Variants in MARCHF8 observed in about 807,000 individuals in gnomAD.
MARCHF8 encodes membrane associated ring-CH-type finger 8, also known as E3 ubiquitin-protein ligase MARCHF8.
A neutral mutation model predicts 51.6 loss-of-function variants in MARCHF8; 40 were observed. The observed-to-expected ratio is 0.77, with a 90% CI of 0.60 to 1.01. MARCHF8 has a LOEUF of 1.01. MARCHF8 is among the 50% of genes least tolerant of loss of function. The pLI is 0.00. For missense variants in MARCHF8, 685 were observed against 708.6 expected (o/e 0.97, Z 0.38); for synonymous variants, 263 against 280.3 (o/e 0.94, Z 0.62).
chr10:45,544,654 G>A (rs1452324197), intron 1 of MARCHF8, among the ~76,000 whole-genome samples: 2 of 152,196 alleles, frequency 1.3e-5, no homozygotes, highest in Non-Finnish European at 2.9e-5. Context: ...TTTATAAAGT[G>A]TCTTGAGAAG....
At chr10:45,523,711 C>A (rs1171758088) in intron 2 of MARCHF8, among the ~76,000 whole-genome samples, 2 of 152,144 alleles carry the variant, frequency 1.3e-5, no homozygotes, top group Non-Finnish European at 2.9e-5. Flanking sequence ...GATACCTAGA[C>A]AAACGTATTC....
At chr10:45,585,376 T>A (rs1260590560) in intron 1 of MARCHF8, among the ~76,000 whole-genome samples, 1 of 152,152 alleles carries the variant, frequency 6.6e-6, no homozygotes, top group Non-Finnish European at 1.5e-5. Flanking sequence ...GGAATATTCA[T>A]AATGTAACAC....
In MARCHF8 at chr10:45,463,531, C is replaced by G. The variant is rs1286916562; in HGVS notation, c.708G>C (p.Gly236=). ...STASEVEAGK[G]GRPGLLLEEK... ...CTTCCAGCAGCAGGCCGGGCCTGCCCCCCTTGCCAGCTTCCACCTCTGAGG... is the reference window on the plus strand; with the variant it reads ...CTTCCAGCAGCAGGCCGGGCCTGCCGCCCTTGCCAGCTTCCACCTCTGAGG... The change falls in exon 5 of 8, where the codon GGG becomes GGC. Residue 236 remains glycine, a synonymous_variant. Transcript: ENST00000453424. 8.4e-6 allele frequency: 13 copies of G among 1,550,536 alleles called. No individual in the cohort carries two copies. Among genetic ancestry groups the G allele is most frequent in the Non-Finnish European group, 1.1e-5 (13 of 1,147,022 alleles).
intron 3 of MARCHF8, among the ~76,000 whole-genome samples, chr10:45,473,013 G>A (rs937458478): frequency 1.3e-5 from 2 of 152,168 alleles, no homozygotes; most frequent in African/African-American, 4.8e-5. Context: ...TAACCTGAGC[G>A]TGTCACTGGT....
At chr10:45,471,191 C>T (rs973837554) in intron 3 of MARCHF8, among the ~76,000 whole-genome samples, 1 of 152,160 alleles carries the variant, frequency 6.6e-6, no homozygotes. Context: ...CCAAGTAGCA[C>T]TAACATGGAA....
At chr10:45,505,330 G>A (rs1046098077) in intron 2 of MARCHF8, among the ~76,000 whole-genome samples, 3 of 152,168 alleles carry the variant, frequency 2.0e-5, no homozygotes, top group Admixed American at 6.5e-5. Flanking sequence ...CAATCCCTGT[G>A]GCAAGAGACT....
intron 2 of MARCHF8, among the ~76,000 whole-genome samples, chr10:45,492,356 G>A (rs1420938713): frequency 6.6e-6 from 1 of 151,448 alleles, no homozygotes; most frequent in Non-Finnish European, 1.5e-5. Flanking sequence ...GGAGTGCACT[G>A]GTGCAATCTC....
At chr10:45,572,104 C>T (rs1010681642) in intron 1 of MARCHF8, among the ~76,000 whole-genome samples, 1 of 148,178 alleles carries the variant, frequency 6.7e-6, no homozygotes, top group African/African-American at 2.5e-5. Flanking sequence ...GGGCAAGCAC[C>T]CCTTACCCCT....
At chr10:45,540,291 C>T (rs1402876018), upstream of MARCHF8, among the ~76,000 whole-genome samples, 2 of 152,210 alleles carry the variant, frequency 1.3e-5, no homozygotes, top group Non-Finnish European at 2.9e-5. Context: ...CACTACCTGA[C>T]TTCAAAGTAT....
intron 1 of MARCHF8, among the ~76,000 whole-genome samples, chr10:45,578,093 C>T (rs886332540): frequency 6.6e-6 from 1 of 152,102 alleles, no homozygotes; most frequent in Non-Finnish European, 1.5e-5. Context: ...CAAACATATC[C>T]TAGCTGTGGC....
At chr10:45,554,982 A>G (rs969978908) in intron 1 of MARCHF8, among the ~76,000 whole-genome samples, 2 of 152,068 alleles carry the variant, frequency 1.3e-5, no homozygotes, top group African/African-American at 4.8e-5. Context: ...TTGAACCCGG[A>G]GGCAGAGGCT....
intron 1 of MARCHF8, among the ~76,000 whole-genome samples, chr10:45,545,452 C>T (rs1455909671): frequency 4.6e-5 from 7 of 152,194 alleles, no homozygotes; most frequent in Non-Finnish European, 1.0e-4. Flanking sequence ...GTTTGTCAAC[C>T]TGGTACAATT....
upstream of MARCHF8, among the ~76,000 whole-genome samples, chr10:45,539,555 A>C (rs1455359081): frequency 6.6e-6 from 1 of 152,218 alleles, no homozygotes; most frequent in South Asian, 2.1e-4. Flanking sequence ...AAGATCAACA[A>C]AATTGATAGA....
intron 1 of MARCHF8, among the ~76,000 whole-genome samples, chr10:45,591,941 C>G (rs2044685781): frequency 6.6e-6 from 1 of 152,184 alleles, no homozygotes; most frequent in Non-Finnish European, 1.5e-5. Flanking sequence ...ATATATCAAT[C>G]TGAAGGGCAC....
At chr10:45,525,734 T>C (rs1035393984) in intron 2 of MARCHF8, among the ~76,000 whole-genome samples, 3 of 152,240 alleles carry the variant, frequency 2.0e-5, no homozygotes, top group Non-Finnish European at 2.9e-5. Context: ...TGTGATGAAC[T>C]GGTACATTGT....
chr10:45,476,805 C>CA (rs147064348), intron 3 of MARCHF8, among the ~76,000 whole-genome samples: 5 of 151,496 alleles, frequency 3.3e-5, no homozygotes, highest in East Asian at 1.9e-4. Context: ...TCCAGTAAGA[C>CA]AAAAAAATTT....
At chr10:45,557,090 C>A (rs1190263680) in intron 1 of MARCHF8, among the ~76,000 whole-genome samples, 4 of 147,926 alleles carry the variant, frequency 2.7e-5, no homozygotes, top group Admixed American at 2.0e-4. Context: ...GAAACTATAC[C>A]CATTGAACAA....
intron 1 of MARCHF8, among the ~76,000 whole-genome samples, chr10:45,573,602 C>A (rs557373607): frequency 6.9e-4 from 105 of 152,330 alleles, no homozygotes; most frequent in Non-Finnish European, 9.8e-4. Flanking sequence ...AGCAGCCACT[C>A]CCAGAGCCCC....
At chr10:45,488,856 T>G (rs1261946714) in intron 3 of MARCHF8, among the ~76,000 whole-genome samples, 1 of 152,186 alleles carries the variant, frequency 6.6e-6, no homozygotes, top group African/African-American at 2.4e-5. Context: ...GTCTCTTGTC[T>G]TTTATTCCCG....
Sources: allele counts gnomAD v4.1 joint callset (sites outside exome capture counted in the v4.1 genomes callset), GRCh38; gene constraint gnomAD v4.1.1; transcripts MANE v1.5; gene names NCBI Gene and HGNC (gene_info 2026-07-23, HGNC 2026-07-21).